Variants in ADAMTSL1 observed in about 807,000 individuals in gnomAD.
ADAMTSL1 encodes ADAMTS-like protein 1.
Under a neutral mutation model 201.8 loss-of-function variants are expected in ADAMTSL1, and 126 were observed. The ratio of observed to expected loss-of-function variants is 0.62; its 90% confidence interval spans 0.54 to 0.72. The LOEUF is 0.72. Among genes scored for constraint, ADAMTSL1 ranks in the 30% least tolerant of loss-of-function variants. ADAMTSL1 has a pLI of 0.00. For synonymous variants in ADAMTSL1, 1,121 were observed against 903.4 expected (o/e 1.24, Z -4.32); for missense variants, 2,679 against 2,277.8 (o/e 1.18, Z -3.59).
intron 13 of ADAMTSL1, among the ~76,000 whole-genome samples, chr9:18,696,779 A>C (rs1364331631): frequency 2.0e-5 from 3 of 152,120 alleles, no homozygotes; most frequent in Admixed American, 6.5e-5. Flanking sequence ...CTAGAAATTG[A>C]GATGAAAGTA....
intron 4 of ADAMTSL1, among the ~76,000 whole-genome samples, chr9:18,595,259 G>C (rs572958322): frequency 6.6e-6 from 1 of 152,186 alleles, no homozygotes; most frequent in East Asian, 1.9e-4. Flanking sequence ...AGTGAAAGGG[G>C]CTGGAGTTGA....
chr9:18,071,442 A>T (rs1822962881), intron 1 of ADAMTSL1, among the ~76,000 whole-genome samples: 1 of 152,208 alleles, frequency 6.6e-6, no homozygotes, highest in Admixed American at 6.5e-5. Flanking sequence ...TAGTTAAAGG[A>T]ACCGGAGTTC....
chr9:17,932,256 C>A (rs1453755834), intron 1 of ADAMTSL1, among the ~76,000 whole-genome samples: 1 of 152,184 alleles, frequency 6.6e-6, no homozygotes, highest in African/African-American at 2.4e-5. Context: ...TCAAAAGCCA[C>A]ATCTGTTGAG....
intron 26 of ADAMTSL1, among the ~76,000 whole-genome samples, chr9:18,902,437 G>C (rs1188959891): frequency 1.3e-5 from 2 of 151,908 alleles, no homozygotes; most frequent in South Asian, 2.1e-4. Flanking sequence ...AAGGAAACTA[G>C]AAGTCAACAG....
At chr9:18,567,888 A>C (rs13295832) in intron 3 of ADAMTSL1, among the ~76,000 whole-genome samples, 1 of 152,254 alleles carries the variant, frequency 6.6e-6, no homozygotes, top group African/African-American at 2.4e-5. Flanking sequence ...TATTATTGAT[A>C]GAATTTTTCT....
chr9:18,739,627 G>A (rs1818705929), intron 15 of ADAMTSL1, among the ~76,000 whole-genome samples: 1 of 152,132 alleles, frequency 6.6e-6, no homozygotes, highest in Non-Finnish European at 1.5e-5. Context: ...AGAGATCTTT[G>A]AACCTAACTT....
intron 1 of ADAMTSL1, among the ~76,000 whole-genome samples, chr9:17,979,133 A>T (rs1172636360): frequency 6.6e-6 from 1 of 152,046 alleles, no homozygotes; most frequent in Non-Finnish European, 1.5e-5. Context: ...TTTGATTATA[A>T]TGTATCTGAT....
chr9:18,605,765 A>T (rs148876232), intron 4 of ADAMTSL1, among the ~76,000 whole-genome samples: 1 of 152,230 alleles, frequency 6.6e-6, no homozygotes, highest in Non-Finnish European at 1.5e-5. Context: ...AAGTGTACAA[A>T]TATTCCATTC....
chr9:18,889,562 T>C lies in ADAMTSL1; in HGVS notation c.4463-6T>C. 6.2e-7 allele frequency: 1 copy of C among 1,613,466 alleles called. No individual in the cohort carries two copies. The highest frequency in any genetic ancestry group is 8.5e-7 in the Non-Finnish European group (1 of 1,179,652). ...CTTTTCTACACTGCTCCTCCTCCCA[T>C]GACAGATTACTGGTGGTCTGTGGAC... On this transcript the variant is annotated splice_region_variant and splice_polypyrimidine_tract_variant and intron_variant, in intron 24 of 28. Coordinates refer to ENST00000380548, the MANE Select transcript of ADAMTSL1 (RefSeq NM_001040272.6).
intron 4 of ADAMTSL1, among the ~76,000 whole-genome samples, chr9:18,599,949 G>A (rs1289190740): frequency 2.2e-5 from 3 of 136,198 alleles, no homozygotes; most frequent in African/African-American, 5.6e-5. Flanking sequence ...TCAGGAAATC[G>A]AGATCATCCT....
chr9:18,736,028 C>G (rs1218842713), intron 15 of ADAMTSL1, among the ~76,000 whole-genome samples: 1 of 152,038 alleles, frequency 6.6e-6, no homozygotes, highest in Non-Finnish European at 1.5e-5. Context: ...AGAGTTTGCA[C>G]AGTTTTAAAT....
At chr9:18,631,614 G>A (rs1826779899) in intron 5 of ADAMTSL1, among the ~76,000 whole-genome samples, 1 of 152,178 alleles carries the variant, frequency 6.6e-6, no homozygotes, top group Non-Finnish European at 1.5e-5. Flanking sequence ...AGGAAATTCT[G>A]TCTTTCAAAA....
intron 1 of ADAMTSL1, among the ~76,000 whole-genome samples, chr9:18,501,503 CAAAAAAAAAAAAA>C (rs397894789): frequency 1.1e-5 from 1 of 93,088 alleles, no homozygotes; most frequent in Admixed American, 1.0e-4. Flanking sequence ...GACACGGTCT[CAAAAAAAAAAAAA>C]AAAAAAAAGT....
At chr9:18,725,832 T>A (rs1433816) in intron 15 of ADAMTSL1, among the ~76,000 whole-genome samples, 53,919 of 152,192 alleles carry the variant, frequency 0.35, 9,593 homozygotes, top group South Asian at 0.47. Flanking sequence ...TATAAGAAGA[T>A]ATACAAATAG....
chr9:18,585,790 T>C (rs1823449068), intron 4 of ADAMTSL1, among the ~76,000 whole-genome samples: 1 of 152,192 alleles, frequency 6.6e-6, no homozygotes, highest in Admixed American at 6.5e-5. Context: ...AGATGCAAGG[T>C]TGATTCAATG....
intron 19 of ADAMTSL1, among the ~76,000 whole-genome samples, chr9:18,782,777 A>G (rs1189707475): frequency 2.0e-5 from 3 of 152,218 alleles, no homozygotes; most frequent in Non-Finnish European, 4.4e-5. Context: ...AGTGCCCAGC[A>G]CTGTGATGTG....
At chr9:18,169,848 T>G (rs938590022) in intron 2 of ADAMTSL1, among the ~76,000 whole-genome samples, 1 of 152,178 alleles carries the variant, frequency 6.6e-6, no homozygotes, top group South Asian at 2.1e-4. Context: ...CAAAGGAGAA[T>G]AGTGCATTGA....
intron 1 of ADAMTSL1, among the ~76,000 whole-genome samples, chr9:17,948,038 C>T (rs187365259): frequency 2.3e-3 from 352 of 152,158 alleles, no homozygotes; most frequent in African/African-American, 7.9e-3. Context: ...TGGTAAATGT[C>T]GACAAGCATT....
At chr9:18,406,220 A>AT (rs1362017632) in intron 2 of ADAMTSL1, among the ~76,000 whole-genome samples, 1 of 152,206 alleles carries the variant, frequency 6.6e-6, no homozygotes, top group African/African-American at 2.4e-5. Context: ...TTGGTGAAGA[A>AT]TACCCTATTC....
Sources: gnomAD v4.1 joint callset for allele counts (sites outside exome capture counted in the v4.1 genomes callset) on GRCh38, gnomAD v4.1.1 for gene constraint, MANE v1.5 for transcripts, NCBI Gene and HGNC (gene_info 2026-07-23, HGNC 2026-07-21) for gene names.